DST: variants seen among roughly 807,000 people sequenced by gnomAD.
The protein encoded by DST is bullous pemphigoid antigen.
A neutral mutation model predicts 875.2 loss-of-function variants in DST; 253 were observed. That is an observed-to-expected ratio of 0.29 (90% confidence interval 0.26 to 0.32). DST has a LOEUF of 0.32. Among genes scored for constraint, DST ranks in the 10% least tolerant of loss-of-function variants. The pLI is 1.00. For synonymous variants in DST, 3,124 were observed against 3,197.1 expected (o/e 0.98, Z 0.77); for missense variants, 8,287 against 9,111.6 (o/e 0.91, Z 3.68).
At chr6:56,590,237 G>A (rs2152681548) in intron 49 of DST, among the ~76,000 whole-genome samples, 1 of 151,952 alleles carries the variant, frequency 6.6e-6, no homozygotes, top group African/African-American at 2.4e-5. Flanking sequence ...TACTAAATAG[G>A]TTTTTCCGTT....
At chr6:56,843,223 G>A (rs2099802611) in intron 4 of DST, 4 of 1,377,892 alleles carry the variant, frequency 2.9e-6, no homozygotes, top group Admixed American at 4.5e-5. Context: ...CAGTCAGCAA[G>A]ACACAGCCTT....
chr6:56,464,644 G>GA, intron 100 of DST, 41 bp downstream of exon 100: 1 of 1,377,714 alleles, frequency 7.3e-7, no homozygotes, highest in African/African-American at 1.4e-5. Context: ...GTAGGAAAGA[G>GA]AAAAGGAAAG....
intron 3 of DST, among the ~76,000 whole-genome samples, chr6:56,894,957 A>G (rs1790363602): frequency 2.3e-5 from 2 of 87,798 alleles, no homozygotes; most frequent in South Asian, 6.3e-4. Flanking sequence ...CACCTCCCGG[A>G]CGGGGCGGCT....
chr6:56,917,743 T>C (rs1174343315), intron 2 of DST, among the ~76,000 whole-genome samples: 2 of 152,218 alleles, frequency 1.3e-5, no homozygotes, highest in African/African-American at 4.8e-5. Context: ...TTATCATGGA[T>C]ATGAAGGGGA....
intron 3 of DST, among the ~76,000 whole-genome samples, chr6:56,886,960 A>G (rs1402544828): frequency 6.6e-6 from 1 of 152,200 alleles, no homozygotes; most frequent in African/African-American, 2.4e-5. Flanking sequence ...ATTGAGAGAA[A>G]TCAGACCCTT....
At chr6:56,522,220 T>C (rs2096720792) in intron 69 of DST, among the ~76,000 whole-genome samples, 2 of 152,122 alleles carry the variant, frequency 1.3e-5, no homozygotes, top group Non-Finnish European at 2.9e-5. Flanking sequence ...GACAGCTGTA[T>C]CATGTATTAC....
At chr6:56,586,379 T>C (rs550170690) in intron 49 of DST, among the ~76,000 whole-genome samples, 114 of 151,708 alleles carry the variant, frequency 7.5e-4, no homozygotes, top group African/African-American at 2.6e-3. Context: ...TTGATCTTTG[T>C]TGGTTTAAAG....
rs892642190 is a variant in DST, at chr6:56,458,940, T to C, written c.*65A>G. On this transcript the variant is annotated 3_prime_UTR_variant, in exon 104 of 104. Coordinates refer to ENST00000680361, the MANE Select transcript of DST (RefSeq NM_001374736.1). ...ATATTTCACAAGAATTTCTACACCA[T>C]ATTTTACATCGTTCAAACTTAAATA... 6.2e-6 allele frequency: 9 copies of C among 1,448,036 alleles called. No homozygotes were observed. The highest frequency in any genetic ancestry group is 8.2e-6 in the Non-Finnish European group (9 of 1,092,124). The allele number at this position is 1,448,036 out of a possible 1,614,324, so 89.7% of individuals were successfully genotyped here. A position where few individuals can be genotyped will look rare whatever the true frequency, so the allele number is the denominator to read the frequency against.
intron 4 of DST, among the ~76,000 whole-genome samples, chr6:56,821,414 G>A (rs1288087667): frequency 6.6e-6 from 1 of 152,218 alleles, no homozygotes; most frequent in Non-Finnish European, 1.5e-5. Flanking sequence ...TCAGGACCAG[G>A]AGGTAGAAGT....
chr6:56,619,927 A>G lies in DST; in HGVS notation c.4929+4603T>C, dbSNP rs1586848548. The G allele has an allele frequency of 6.2e-7, 1 of 1,613,940 alleles. No homozygotes were observed. Among genetic ancestry groups the G allele is most frequent in the South Asian group, 1.1e-5 (1 of 91,062 alleles). ...CCTTTCTATTGGCAGCTGTTAGTTC[A>G]TCTACCTGCTGTTTGAGTTCTTCTG... On this transcript the variant is annotated intron_variant, in intron 36 of 103. Coordinates refer to ENST00000680361, the MANE Select transcript of DST (RefSeq NM_001374736.1).
Position 56,751,699 on chromosome 6 carries a change from T to C in DST, c.626-16410A>G, listed in dbSNP as rs1368596453. Among the ~76,000 whole-genome samples the C allele has an allele frequency of 2.0e-5, 3 of 152,184 alleles. No individual in the cohort carries two copies. In the East Asian group the frequency reaches 5.8e-4, roughly 29 times the overall value. ...TGTGGCCCATTACCTACAGACCAAG[T>C]GAGCATTTAGCAGCTTCTGTATAAC... On this transcript the variant is annotated intron_variant, in intron 4 of 103. Coordinates refer to ENST00000680361, the MANE Select transcript of DST (RefSeq NM_001374736.1).
At chr6:56,872,914 G>T (rs1171279969) in intron 3 of DST, among the ~76,000 whole-genome samples, 1 of 117,776 alleles carries the variant, frequency 8.5e-6, no homozygotes, top group South Asian at 2.9e-4. Flanking sequence ...TTAGTTTTTT[G>T]AGGAACCTCC....
At chr6:56,779,700 T>G (rs1474886000) in intron 4 of DST, among the ~76,000 whole-genome samples, 3 of 151,720 alleles carry the variant, frequency 2.0e-5, no homozygotes, top group Admixed American at 2.0e-4. Context: ...GTTGTAGATA[T>G]GTGGCATTAG....
chr6:56,906,947 C>A (rs1446297171), intron 2 of DST, among the ~76,000 whole-genome samples: 1 of 152,116 alleles, frequency 6.6e-6, no homozygotes, highest in Non-Finnish European at 1.5e-5. Flanking sequence ...TTGCATTTCC[C>A]AATGATGAGT....
At chr6:56,788,070 A>C (rs1261171132) in intron 4 of DST, among the ~76,000 whole-genome samples, 2 of 127,806 alleles carry the variant, frequency 1.6e-5, no homozygotes, top group Non-Finnish European at 3.2e-5. Flanking sequence ...GGGAGGTTGC[A>C]GTGAGCCGAG....
intron 5 of DST, among the ~76,000 whole-genome samples, chr6:56,731,223 G>C (rs1382798311): frequency 6.6e-6 from 1 of 152,074 alleles, no homozygotes; most frequent in South Asian, 2.1e-4. Flanking sequence ...ACTGTTGAGT[G>C]AAAAATATTC....
chr6:56,786,308 T>C (rs1333599002), intron 4 of DST, among the ~76,000 whole-genome samples: 1 of 152,216 alleles, frequency 6.6e-6, no homozygotes, highest in African/African-American at 2.4e-5. Context: ...ATTTGACAGA[T>C]GTGTGTTTGT....
chr6:56,674,489 G>A (rs1329233225), intron 9 of DST, among the ~76,000 whole-genome samples: 3 of 152,060 alleles, frequency 2.0e-5, no homozygotes, highest in Admixed American at 6.5e-5. Context: ...TGGAGACAGG[G>A]TTTCACCATG....
At chr6:56,691,932 CAA>C (rs2099232918) in intron 9 of DST, among the ~76,000 whole-genome samples, 1 of 152,162 alleles carries the variant, frequency 6.6e-6, no homozygotes, top group Admixed American at 6.5e-5. Flanking sequence ...TCTGGCTTTT[CAA>C]ACTCATGAAT....
Sources: allele counts gnomAD v4.1 joint callset (sites outside exome capture counted in the v4.1 genomes callset), GRCh38; gene constraint gnomAD v4.1.1; transcripts MANE v1.5; gene names NCBI Gene and HGNC (gene_info 2026-07-23, HGNC 2026-07-21).